The following KCTD20 variants were observed in gnomAD, a reference collection of about 807,000 sequenced individuals.
The protein encoded by KCTD20 is BTB/POZ domain-containing protein KCTD20.
A neutral mutation model predicts 39.6 loss-of-function variants in KCTD20; 30 were observed. That is an observed-to-expected ratio of 0.76 (90% CI 0.57 to 1.03). KCTD20 has a LOEUF of 1.03. Ranked by LOEUF, KCTD20 falls within the 50% of genes least tolerant of loss-of-function variation. The probability of loss-of-function intolerance (pLI) is 0.00; values close to 1 mark genes in which losing one functional copy is unlikely to be tolerated. For missense variants in KCTD20, 422 were observed against 522.0 expected (o/e 0.81, Z 1.87); for synonymous variants, 162 against 180.6 (o/e 0.90, Z 0.83).
chr6:36,458,406 T>C (rs9767778), intron 1 of KCTD20, among the ~76,000 whole-genome samples: 39,660 of 150,762 alleles, frequency 0.26, 5,766 homozygotes, highest in African/African-American at 0.39. Context: ...CCGGGCGTGG[T>C]GGTGCATGTC....
intron 1 of KCTD20, among the ~76,000 whole-genome samples, chr6:36,446,147 C>G (rs1297486212): frequency 1.3e-5 from 2 of 151,690 alleles, no homozygotes; most frequent in African/African-American, 4.8e-5. Flanking sequence ...CTGCCTCAGC[C>G]TCCCGAGTAG....
chr6:36,478,111 G>GAAAA (rs1776129581), intron 3 of KCTD20, among the ~76,000 whole-genome samples: 2 of 133,388 alleles, frequency 1.5e-5, no homozygotes, highest in African/African-American at 6.3e-5. Context: ...AAAAAGAAAA[G>GAAAA]AAAAGCAGCC....
At chr6:36,458,239 T>C (rs1380738758) in intron 1 of KCTD20, among the ~76,000 whole-genome samples, 1 of 151,818 alleles carries the variant, frequency 6.6e-6, no homozygotes, top group Non-Finnish European at 1.5e-5. Context: ...ATTTTTATTT[T>C]TGTAGAGAAA....
At chr6:36,461,284 T>C (rs1433758608) in intron 1 of KCTD20, among the ~76,000 whole-genome samples, 1 of 152,192 alleles carries the variant, frequency 6.6e-6, no homozygotes, top group Non-Finnish European at 1.5e-5. Flanking sequence ...ATAAGTTTAA[T>C]TTTTTAAACA....
chr6:36,452,860 AC>A lies in KCTD20; in HGVS notation c.-47+9750del, dbSNP rs1775301834. Among the ~76,000 whole-genome samples, 3 of 151,540 alleles carry A rather than the reference AC, an allele frequency of 2.0e-5. No individual in the cohort carries two copies. In the South Asian group the frequency reaches 6.2e-4, roughly 31 times the overall value. On this transcript the variant is annotated intron_variant, in intron 1 of 7. Transcript: ENST00000373731. ...CTTATTTTCTTTTTAAAACAACTTC[AC>A]TGAGAGAGAATTCACATAACATACA... is the stretch of plus-strand genomic sequence containing the variant.
chr6:36,473,137 T>C (rs959105306), intron 2 of KCTD20, among the ~76,000 whole-genome samples: 1 of 151,882 alleles, frequency 6.6e-6, no homozygotes, highest in Non-Finnish European at 1.5e-5. Context: ...CTCGGCTCAC[T>C]GCAAGCTCTG....
rs925011128 is a variant in KCTD20, at chr6:36,488,837, T to C, written c.*1662T>C. 5 of 152,672 alleles carry C rather than the reference T, an allele frequency of 3.3e-5. No homozygotes were observed. The highest frequency in any genetic ancestry group is 9.6e-5 in the African/African-American group (4 of 41,466). The allele number at this position is 152,672 out of a possible 1,614,324, so 9.5% of individuals were successfully genotyped here. A position where few individuals can be genotyped will look rare whatever the true frequency, so the allele number is the denominator to read the frequency against. Reference sequence around the variant, plus strand: ...AAAAAGTGTTCTTACGTTCTCTGCATGTGACTAGCATCACTGTGGAAATTA... The same window carrying C: ...AAAAAGTGTTCTTACGTTCTCTGCACGTGACTAGCATCACTGTGGAAATTA... On this transcript the variant is annotated 3_prime_UTR_variant, in exon 8 of 8. Coordinates refer to ENST00000373731, the MANE Select transcript of KCTD20 (RefSeq NM_173562.5).
In KCTD20 at chr6:36,469,381, G is replaced by A. The variant is rs1775847678; in HGVS notation, c.-46-671G>A. Among the ~76,000 whole-genome samples, 1 of 152,176 alleles carries A rather than the reference G, an allele frequency of 6.6e-6. No individual in the cohort carries two copies. The highest frequency in any genetic ancestry group is 2.1e-4 in the South Asian group (1 of 4,830). On this transcript the variant is annotated intron_variant, in intron 1 of 7. Transcript: ENST00000373731. This position sits in a 1 kb window ranked among gnomAD's most constrained non-coding sequence, Gnocchi z 4.6. ...CCTCATCACTGGGGGTCTTGCACGT[G>A]GCAGTCACATAGTGTGTGTTGTTCA...
intron 5 of KCTD20, among the ~76,000 whole-genome samples, chr6:36,481,099 A>G (rs1258346701): frequency 1.3e-5 from 2 of 152,156 alleles, no homozygotes; most frequent in African/African-American, 2.4e-5. Flanking sequence ...TGCATGTTGC[A>G]TGAAAGCCCC....
In KCTD20 at chr6:36,490,356, G is replaced by T. The variant is rs1278161388; in HGVS notation, c.*3181G>T. On this transcript the variant is annotated 3_prime_UTR_variant, in exon 8 of 8. Coordinates refer to ENST00000373731, the MANE Select transcript of KCTD20 (RefSeq NM_173562.5). ...TCGAGACCAGCCTGGCCAACATGGT[G>T]AAACCCCGTCTCTACTAAAAATACA... The T allele has an allele frequency of 6.6e-6, 1 of 151,760 alleles. No homozygotes were observed. Among genetic ancestry groups the T allele is most frequent in the Non-Finnish European group, 1.5e-5 (1 of 67,976 alleles). The allele number at this position is 151,760 out of a possible 1,614,324, so 9.4% of individuals were successfully genotyped here.
intron 1 of KCTD20, among the ~76,000 whole-genome samples, chr6:36,459,024 G>T (rs772542423): frequency 6.6e-6 from 1 of 152,038 alleles, no homozygotes; most frequent in Non-Finnish European, 1.5e-5. Context: ...AAGTAAAGAT[G>T]GCTGGGCACC....
chr6:36,447,466 T>C (rs190352570), intron 1 of KCTD20, among the ~76,000 whole-genome samples: 1 of 152,022 alleles, frequency 6.6e-6, no homozygotes, highest in East Asian at 1.9e-4. Context: ...CCGTCTCTAC[T>C]AAAAATTCAG....
intron 1 of KCTD20, among the ~76,000 whole-genome samples, chr6:36,444,877 T>C (rs1264138965): frequency 3.3e-5 from 5 of 152,238 alleles, no homozygotes; most frequent in Non-Finnish European, 5.9e-5. Context: ...ATGCCAGAAA[T>C]ACACGTACTA....
chr6:36,450,067 G>A (rs1041038821), intron 1 of KCTD20, among the ~76,000 whole-genome samples: 1 of 151,426 alleles, frequency 6.6e-6, no homozygotes, highest in Non-Finnish European at 1.5e-5. Context: ...GGGAGGCTGA[G>A]GCAGGAGAAT....
intron 7 of KCTD20, among the ~76,000 whole-genome samples, chr6:36,485,618 C>T (rs1339787777): frequency 6.6e-6 from 1 of 151,256 alleles, no homozygotes; most frequent in Non-Finnish European, 1.5e-5. Context: ...CTCAGCCTCT[C>T]GAGTAGCTGG....
rs1193405719 is a variant in KCTD20, at chr6:36,482,945, C to CAA, written c.856+1205_856+1206dup. ...TGAGTGACAGAGCAAGACTACGTCT[C>CAA]AAAAAAAAAAAAAAAAAAAAGATTA... On this transcript the variant is annotated intron_variant, in intron 6 of 7. Transcript: ENST00000373731. 9.7e-5 allele frequency among the ~76,000 whole-genome samples: 8 copies of CAA among 82,414 alleles called. 1 individual carries two copies. Among genetic ancestry groups the CAA allele is most frequent in the Non-Finnish European group, 1.7e-4 (7 of 40,152 alleles). 54.1% of individuals were successfully genotyped at this position (82,414 alleles called of 152,430 possible). A position where few individuals can be genotyped will look rare whatever the true frequency, so the allele number is the denominator to read the frequency against.
chr6:36,478,994 CTG>C lies in KCTD20; in HGVS notation c.435-123_435-122del, dbSNP rs1467804588. On this transcript the variant is annotated intron_variant, in intron 3 of 7. Transcript: ENST00000373731. Reference sequence around the variant, plus strand: ...GTCTTGTAGGCATTGGGTTCCAGTGCTGTGTTTTTAATTTATACTATGAGAGA... The same window carrying C: ...GTCTTGTAGGCATTGGGTTCCAGTGCTGTTTTTAATTTATACTATGAGAGA... 8.9e-5 allele frequency: 57 copies of C among 638,898 alleles called. No individual in the cohort carries two copies. The Middle Eastern group carries it at 5.1e-3, about 57-fold the overall frequency. 39.6% of individuals were successfully genotyped at this position (638,898 alleles called of 1,614,324 possible).
intron 2 of KCTD20, among the ~76,000 whole-genome samples, chr6:36,472,271 G>A (rs1202472230): frequency 2.6e-5 from 4 of 152,190 alleles, no homozygotes; most frequent in African/African-American, 4.8e-5. Context: ...CGTAGCTTTT[G>A]GTGTGCAAAC....
chr6:36,466,075 T>C (rs1366355611), intron 1 of KCTD20, among the ~76,000 whole-genome samples: 1 of 151,432 alleles, frequency 6.6e-6, no homozygotes, highest in Non-Finnish European at 1.5e-5. Flanking sequence ...TTGTTTCTTT[T>C]CTTTTTTTTT....
Sources: allele counts gnomAD v4.1 joint callset (sites outside exome capture counted in the v4.1 genomes callset), GRCh38; gene constraint gnomAD v4.1.1; non-coding constraint Gnocchi (gnomAD v3.1); transcripts MANE v1.5; gene names NCBI Gene and HGNC (gene_info 2026-07-23, HGNC 2026-07-21).